RASGRF2: variants seen among roughly 807,000 people sequenced by gnomAD.
The protein encoded by RASGRF2 is ras-specific guanine nucleotide-releasing factor 2.
RASGRF2 carries 76 observed loss-of-function variants against 151.0 expected under a neutral mutation model. The ratio of observed to expected loss-of-function variants is 0.50; its 90% CI spans 0.42 to 0.61. The LOEUF is 0.61. Ranked by LOEUF, RASGRF2 falls within the 20% of genes least tolerant of loss-of-function variation. The pLI, the probability that RASGRF2 is intolerant of heterozygous loss-of-function variation, is 0.00. For missense variants in RASGRF2, 1,148 were observed against 1,564.6 expected, an observed-to-expected ratio of 0.73 and a Z score of 4.49; for synonymous variants, 504 against 566.5, an observed-to-expected ratio of 0.89 and a Z score of 1.57.
chr5:81,034,513 G>A lies in RASGRF2; in HGVS notation c.289-8364G>A, dbSNP rs1018060462. On this transcript the variant is annotated intron_variant, in intron 1 of 26. Coordinates refer to ENST00000265080, the MANE Select transcript of RASGRF2 (RefSeq NM_006909.3). ...ACACATGCACACGTATGTTTATTGC[G>A]GAACTATTCACAATAGCAAAGACTT... Among the ~76,000 whole-genome samples, 35 of 151,974 alleles carry A rather than the reference G, an allele frequency of 2.3e-4. No individual in the cohort carries two copies. The East Asian group carries it at 4.6e-3, about 20-fold the overall frequency.
At chr5:81,140,072 T>C (rs1753848161) in intron 17 of RASGRF2, among the ~76,000 whole-genome samples, 1 of 152,120 alleles carries the variant, frequency 6.6e-6, no homozygotes. Context: ...TAAGTGATCC[T>C]CCTGCCTCGG....
intron 15 of RASGRF2, among the ~76,000 whole-genome samples, chr5:81,114,266 G>A (rs1038095771): frequency 6.6e-6 from 1 of 152,210 alleles, no homozygotes; most frequent in African/African-American, 2.4e-5. Context: ...TGCACACTGG[G>A]AGGTTGTGGG....
chr5:81,212,322 T>C (rs1364971932), intron 22 of RASGRF2, 44 bp from the exon 23 acceptor site: 4 of 1,498,764 alleles, frequency 2.7e-6, no homozygotes, highest in South Asian at 2.5e-5. Flanking sequence ...AATGCACTGC[T>C]TGGGGCTCTT....
chr5:80,996,528 C>T lies in RASGRF2; in HGVS notation c.288+35502C>T, dbSNP rs1327307877. Among the ~76,000 whole-genome samples the T allele has an allele frequency of 5.7e-3, 292 of 51,048 alleles. 2 individuals carry two copies. Among genetic ancestry groups the T allele is most frequent in the South Asian group, 0.013 (10 of 768 alleles). The allele number at this position is 51,048 out of a possible 152,430, so 33.5% of individuals were successfully genotyped here. On this transcript the variant is annotated intron_variant, in intron 1 of 26. Transcript: ENST00000265080. ...TCCTCCTCCTCCTCCTCCCCCTCCTCCTCCTCCCCCTCCTCCTCCTCCCCC... is the reference window on the plus strand; with the variant it reads ...TCCTCCTCCTCCTCCTCCCCCTCCTTCTCCTCCCCCTCCTCCTCCTCCCCC...
chr5:81,116,963 C>T (rs1014363615), intron 15 of RASGRF2, among the ~76,000 whole-genome samples: 1 of 152,158 alleles, frequency 6.6e-6, no homozygotes, highest in Admixed American at 6.5e-5. Flanking sequence ...TGGTTGCTTC[C>T]ACCTCTTGGC....
At chr5:81,152,727 G>A (rs36084289) in intron 17 of RASGRF2, among the ~76,000 whole-genome samples, 2,098 of 152,252 alleles carry the variant, frequency 0.014, 17 homozygotes, top group Non-Finnish European at 0.022. Context: ...TCTAGCACAG[G>A]CATACCAAAA....
chr5:81,116,943 A>G lies in RASGRF2; in HGVS notation c.2470+3023A>G, dbSNP rs370819869. ...ATTTTCTTTATGCATTTATCCATCA[A>G]TAGACATTTTGGTTGCTTCCACCTC... On this transcript the variant is annotated intron_variant, in intron 15 of 26. Coordinates refer to ENST00000265080, the MANE Select transcript of RASGRF2 (RefSeq NM_006909.3). Among the ~76,000 whole-genome samples the G allele has an allele frequency of 1.8e-4, 27 of 152,362 alleles. No individual in the cohort carries two copies. The East Asian group carries it at 2.7e-3, about 15-fold the overall frequency.
chr5:81,065,701 G>A (rs1422381689), intron 2 of RASGRF2, among the ~76,000 whole-genome samples: 2 of 152,154 alleles, frequency 1.3e-5, no homozygotes, highest in Non-Finnish European at 2.9e-5. Flanking sequence ...CACTCTTGGT[G>A]AGAAGTGTGC....
chr5:81,132,439 A>T (rs1450766603), intron 17 of RASGRF2, among the ~76,000 whole-genome samples: 1 of 152,198 alleles, frequency 6.6e-6, no homozygotes, highest in Non-Finnish European at 1.5e-5. Context: ...AGGTGATACC[A>T]GTCTCTTCAA....
chr5:80,986,923 C>G lies in RASGRF2; in HGVS notation c.288+25897C>G, dbSNP rs76039644. ...CCACCCTCTTTCCAGAACCTTGAAG[C>G]CCTCGGAGGTCTGGCCCCTTTACTC... On this transcript the variant is annotated intron_variant, in intron 1 of 26. Coordinates refer to ENST00000265080, the MANE Select transcript of RASGRF2 (RefSeq NM_006909.3). Among the ~76,000 whole-genome samples the G allele has an allele frequency of 5.2e-3, 799 of 152,272 alleles. 4 individuals carry two copies. The highest frequency in any genetic ancestry group is 0.018 in the African/African-American group (751 of 41,542).
chr5:81,229,392 C>T lies in RASGRF2; in HGVS notation c.*3622C>T, dbSNP rs1283082535. The T allele has an allele frequency of 6.6e-6, 1 of 152,026 alleles. No individual in the cohort carries two copies. Among genetic ancestry groups the T allele is most frequent in the Non-Finnish European group, 1.5e-5 (1 of 68,018 alleles). 9.4% of individuals were successfully genotyped at this position (152,026 alleles called of 1,614,324 possible). A position where few individuals can be genotyped will look rare whatever the true frequency, so the allele number is the denominator to read the frequency against. The stretch of plus-strand genomic sequence containing the variant: ...AAATCAGATTGTAAGTTTAATGGCT[C>T]CATTATAGATACCACCGTGTAATAG... On this transcript the variant is annotated 3_prime_UTR_variant, in exon 27 of 27. Transcript: ENST00000265080.
intron 17 of RASGRF2, among the ~76,000 whole-genome samples, chr5:81,144,070 G>A (rs1477176771): frequency 6.6e-6 from 1 of 152,174 alleles, no homozygotes; most frequent in Admixed American, 6.5e-5. Flanking sequence ...ACAATGAAAA[G>A]TGGAATTTCT....
At chr5:81,042,241 G>T (rs1266665575) in intron 1 of RASGRF2, among the ~76,000 whole-genome samples, 1 of 152,154 alleles carries the variant, frequency 6.6e-6, no homozygotes, top group Admixed American at 6.6e-5. Context: ...CTGCCAAAAA[G>T]AAATCCTGAT....
intron 17 of RASGRF2, among the ~76,000 whole-genome samples, chr5:81,160,679 CAAAAAT>C (rs1229307208): frequency 2.0e-5 from 2 of 101,868 alleles, no homozygotes; most frequent in East Asian, 3.6e-4. Flanking sequence ...GACTCTGTCT[CAAAAAT>C]AATAATAATA....
intron 1 of RASGRF2, among the ~76,000 whole-genome samples, chr5:80,996,504 C>CTTCTTCTTCTTCTTCTTCTTCTT (rs56180832): frequency 2.0e-5 from 1 of 50,230 alleles, no homozygotes; most frequent in African/African-American, 7.8e-5. Flanking sequence ...TCTTCTTCTT[C>CTTCTTCTTCTTCTTCTTCTTCTT]CTCCTCCTCC....
At chr5:81,030,989 G>T (rs1580227043) in intron 1 of RASGRF2, among the ~76,000 whole-genome samples, 1 of 151,992 alleles carries the variant, frequency 6.6e-6, no homozygotes, top group African/African-American at 2.4e-5. Flanking sequence ...AAAAAGGCAG[G>T]GGTTGCAATC....
Position 81,168,014 on chromosome 5 carries a change from G to A in RASGRF2, c.2687-12161G>A, listed in dbSNP as rs193205253. Among the ~76,000 whole-genome samples the A allele has an allele frequency of 3.3e-5, 5 of 152,288 alleles. No homozygotes were observed. In the East Asian group the frequency reaches 9.7e-4, roughly 29 times the overall value. ...TCCACATCCCCTTGCAGGCTTGGCT[G>A]ATGATCTTGTCTCATATTTCACAGC... On this transcript the variant is annotated intron_variant, in intron 17 of 26. Coordinates refer to ENST00000265080, the MANE Select transcript of RASGRF2 (RefSeq NM_006909.3).
chr5:81,031,650 G>A (rs1438563815), intron 1 of RASGRF2, among the ~76,000 whole-genome samples: 1 of 152,166 alleles, frequency 6.6e-6, no homozygotes, highest in African/African-American at 2.4e-5. Context: ...ATTTAAAGCA[G>A]TGTGTATAGG....
intron 1 of RASGRF2, among the ~76,000 whole-genome samples, chr5:81,040,740 C>A (rs940458626): frequency 1.3e-5 from 2 of 152,118 alleles, no homozygotes; most frequent in Admixed American, 6.5e-5. Context: ...CCTTTTTTCT[C>A]CCCCTGCTTT....
Sources: gnomAD v4.1 joint callset for allele counts (sites outside exome capture counted in the v4.1 genomes callset) on GRCh38, gnomAD v4.1.1 for gene constraint, MANE v1.5 for transcripts, NCBI Gene and HGNC (gene_info 2026-07-23, HGNC 2026-07-21) for gene names.